The following NT5E variants were observed in gnomAD, a reference collection of about 807,000 sequenced individuals.
The protein encoded by NT5E is 5'-nucleotidase ecto.
In NT5E, 53 loss-of-function variants were observed where a neutral mutation model predicts 55.1. That is an observed-to-expected ratio of 0.96 (90% confidence interval 0.77 to 1.21). The LOEUF (loss-of-function observed/expected upper bound fraction) is 1.21, where lower values mean the gene tolerates loss of function less well. Among genes scored for constraint, NT5E ranks in the 50% most tolerant of loss-of-function variants. The pLI is 0.00. For missense variants in NT5E, 683 were observed against 724.3 expected, an observed-to-expected ratio of 0.94 and a Z score of 0.65; for synonymous variants, 270 against 278.4, an observed-to-expected ratio of 0.97 and a Z score of 0.30.
chr6:85,495,474 C>T lies in NT5E; in HGVS notation c.*1470C>T, dbSNP rs536000708. 23 of 152,280 alleles carry T rather than the reference C, an allele frequency of 1.5e-4. No individual in the cohort carries two copies. In the East Asian group the frequency reaches 4.4e-3, roughly 29 times the overall value. 9.4% of individuals were successfully genotyped at this position (152,280 alleles called of 1,614,324 possible). On this transcript the variant is annotated 3_prime_UTR_variant, in exon 9 of 9. Coordinates refer to ENST00000257770, the MANE Select transcript of NT5E (RefSeq NM_002526.4). ...TTACAAATATTAAGTACTCTTGATA[C>T]AAAATATACTTTTAAACTTCATAAC...
chr6:85,450,130 C>T lies in NT5E; in HGVS notation c.-10C>T. On this transcript the variant is annotated 5_prime_UTR_variant, in exon 1 of 9. Transcript: ENST00000257770. The surrounding 1 kb of genome is among the most constrained non-coding windows in gnomAD (Gnocchi z 4.0). Reference sequence around the variant, plus strand: ...CGCCCGCTTTCGCACCCAGTTCACGCGCCACAGCTATGTGTCCCCGAGCCG... The same window carrying T: ...CGCCCGCTTTCGCACCCAGTTCACGTGCCACAGCTATGTGTCCCCGAGCCG... 6.4e-7 allele frequency: 1 copy of T among 1,558,412 alleles called. No individual in the cohort carries two copies. The highest frequency in any genetic ancestry group is 8.6e-7 in the Non-Finnish European group (1 of 1,156,182).
intron 1 of NT5E, among the ~76,000 whole-genome samples, 193 bp from the exon 2 acceptor site, chr6:85,466,867 A>G (rs1414279959): frequency 6.6e-6 from 1 of 152,148 alleles, no homozygotes; most frequent in East Asian, 1.9e-4. Context: ...AACCACCTTT[A>G]TTAGGTGGTG....
At chr6:85,459,918 T>G (rs1769061286) in intron 1 of NT5E, among the ~76,000 whole-genome samples, 1 of 152,236 alleles carries the variant, frequency 6.6e-6, no homozygotes, top group Non-Finnish European at 1.5e-5. Context: ...TTGTTTTGAT[T>G]ATTAAAAATA....
Position 85,495,720 on chromosome 6 carries a change from A to G in NT5E, c.*1716A>G, listed in dbSNP as rs1407919007. The G allele has an allele frequency of 1.3e-5, 2 of 152,200 alleles. No individual in the cohort carries two copies. Among genetic ancestry groups the G allele is most frequent in the Non-Finnish European group, 2.9e-5 (2 of 68,034 alleles). 9.4% of individuals were successfully genotyped at this position (152,200 alleles called of 1,614,324 possible). The stretch of plus-strand genomic sequence containing the variant: ...ATCTGTGTGTGTATTGTGAAGTGGT[A>G]TAAGAAATGACTTTGAACCACTTTG... On this transcript the variant is annotated 3_prime_UTR_variant, in exon 9 of 9. Coordinates refer to ENST00000257770, the MANE Select transcript of NT5E (RefSeq NM_002526.4).
At chr6:85,482,334 G>A (rs1018735958) in intron 3 of NT5E, among the ~76,000 whole-genome samples, 2 of 151,166 alleles carry the variant, frequency 1.3e-5, no homozygotes, top group Admixed American at 6.6e-5. Flanking sequence ...ATGAGACCCT[G>A]TTGAAAGAGA....
intron 3 of NT5E, among the ~76,000 whole-genome samples, chr6:85,484,197 G>A (rs1434186505): frequency 1.3e-5 from 2 of 152,220 alleles, no homozygotes; most frequent in East Asian, 3.8e-4. Flanking sequence ...AGCCATGGGT[G>A]TGATGAGGGA....
At chr6:85,459,948 T>C (rs1223223573) in intron 1 of NT5E, among the ~76,000 whole-genome samples, 2 of 152,242 alleles carry the variant, frequency 1.3e-5, no homozygotes, top group African/African-American at 4.8e-5. Context: ...TAGTTAGGCA[T>C]GAGAGAAAGC....
intron 1 of NT5E, among the ~76,000 whole-genome samples, chr6:85,452,503 T>C (rs1268413739): frequency 6.6e-6 from 1 of 152,186 alleles, no homozygotes; most frequent in Admixed American, 6.5e-5. Context: ...AATTACTTTC[T>C]TTCAAATTTT....
intron 3 of NT5E, among the ~76,000 whole-genome samples, chr6:85,479,603 C>A (rs746860366): frequency 6.6e-6 from 1 of 152,186 alleles, no homozygotes; most frequent in Non-Finnish European, 1.5e-5. Flanking sequence ...TGTAGGAAGA[C>A]CTCTGGCCAA....
intron 1 of NT5E, among the ~76,000 whole-genome samples, chr6:85,460,932 G>A (rs2127755043): frequency 6.6e-6 from 1 of 152,290 alleles, no homozygotes; most frequent in East Asian, 1.9e-4. Flanking sequence ...TGGATATCCT[G>A]CGGTCTTCCA....
In NT5E at chr6:85,450,615, C is replaced by A; in HGVS notation, c.339+137C>A. On this transcript the variant is annotated intron_variant, in intron 1 of 8. Transcript: ENST00000257770. This position sits in a 1 kb window ranked among gnomAD's most constrained non-coding sequence, Gnocchi z 4.0. ...TGTGGGGATAAAGTGAGACTCCGGC[C>A]AGTGTGCCAGCTGGATGCATAGAAG... 1.2e-6 allele frequency: 1 copy of A among 800,026 alleles called. No individual in the cohort carries two copies. The highest frequency in any genetic ancestry group is 2.1e-6 in the Non-Finnish European group (1 of 479,464). 49.6% of individuals were successfully genotyped at this position (800,026 alleles called of 1,614,324 possible).
intron 3 of NT5E, among the ~76,000 whole-genome samples, chr6:85,479,162 A>G (rs1682740749): frequency 6.6e-6 from 1 of 152,210 alleles, no homozygotes; most frequent in Non-Finnish European, 1.5e-5. Context: ...GAACTGTAAT[A>G]CATATTTTTG....
At chr6:85,474,726 C>T (rs1163407989) in intron 3 of NT5E, among the ~76,000 whole-genome samples, 2 of 152,080 alleles carry the variant, frequency 1.3e-5, no homozygotes, top group Non-Finnish European at 1.5e-5. Context: ...CCCAGGAGTT[C>T]GAGACCGGCC....
chr6:85,478,183 G>A (rs1769474077), intron 3 of NT5E, among the ~76,000 whole-genome samples: 1 of 152,200 alleles, frequency 6.6e-6, no homozygotes, highest in Non-Finnish European at 1.5e-5. Context: ...AGCAAAGCCA[G>A]AGCCTTCTGG....
chr6:85,485,480 C>A, intron 4 of NT5E, 48 bp downstream of exon 4: 1 of 1,568,012 alleles, frequency 6.4e-7, no homozygotes, highest in Non-Finnish European at 8.8e-7. Context: ...ATTTAGATGG[C>A]TGGATATTTT....
intron 1 of NT5E, among the ~76,000 whole-genome samples, chr6:85,459,097 C>T (rs971191829): frequency 3.3e-5 from 5 of 152,066 alleles, no homozygotes; most frequent in African/African-American, 1.2e-4. Flanking sequence ...GCAACTGAGC[C>T]CCGTCATATA....
chr6:85,483,019 AAATG>A (rs1435217298), intron 3 of NT5E, among the ~76,000 whole-genome samples: 1 of 152,258 alleles, frequency 6.6e-6, no homozygotes, highest in Non-Finnish European at 1.5e-5. Context: ...AGGTCTTTCC[AAATG>A]AATGAATGTT....
chr6:85,461,539 G>A (rs532065851), intron 1 of NT5E, among the ~76,000 whole-genome samples: 1 of 152,328 alleles, frequency 6.6e-6, no homozygotes, highest in African/African-American at 2.4e-5. Flanking sequence ...TGGGAAATGG[G>A]TGTCTCCAGA....
In NT5E at chr6:85,492,190, G is replaced by C; in HGVS notation, c.1561+13G>C. The C allele has an allele frequency of 6.2e-7, 1 of 1,612,526 alleles. No individual in the cohort carries two copies. Among genetic ancestry groups the C allele is most frequent in the South Asian group, 1.1e-5 (1 of 91,050 alleles). On this transcript the variant is annotated intron_variant, in intron 8 of 8. Coordinates refer to ENST00000257770, the MANE Select transcript of NT5E (RefSeq NM_002526.4). ...AGACATGACTCTGGTAAGCATGACTGTCTCTTCCTTTCTCTAAAGAACAAC... is the reference window on the plus strand; with the variant it reads ...AGACATGACTCTGGTAAGCATGACTCTCTCTTCCTTTCTCTAAAGAACAAC...
Sources: gnomAD v4.1 joint callset for allele counts (sites outside exome capture counted in the v4.1 genomes callset) on GRCh38, gnomAD v4.1.1 for gene constraint, Gnocchi (gnomAD v3.1) non-coding constraint, MANE v1.5 for transcripts, NCBI Gene and HGNC (gene_info 2026-07-23, HGNC 2026-07-21) for gene names.